The following ZNF367 variants were observed in gnomAD, a reference collection of about 807,000 sequenced individuals.
The protein encoded by ZNF367 is C2H2 zinc finger protein ZFF29.
ZNF367 carries 11 observed loss-of-function variants against 31.8 expected under a neutral mutation model. The ratio of observed to expected loss-of-function variants is 0.35; its 90% CI spans 0.22 to 0.57. The LOEUF (loss-of-function observed/expected upper bound fraction) is 0.57. Ranked by LOEUF, ZNF367 falls within the 20% of genes least tolerant of loss-of-function variation. The pLI is 0.85. For missense variants in ZNF367, 353 were observed against 484.1 expected (o/e 0.73, Z 2.54); for synonymous variants, 199 against 202.4 (o/e 0.98, Z 0.14).
intron 3 of ZNF367, among the ~76,000 whole-genome samples, 163 bp downstream of exon 3, chr9:96,394,658 TTC>T (rs1377712493): frequency 6.6e-6 from 1 of 152,150 alleles, no homozygotes; most frequent in African/African-American, 2.4e-5. Flanking sequence ...AATCAATCAT[TTC>T]TGAGAAATTC....
chr9:96,399,036 AC>A (rs1365276011), intron 1 of ZNF367, among the ~76,000 whole-genome samples: 1 of 152,178 alleles, frequency 6.6e-6, no homozygotes, highest in Non-Finnish European at 1.5e-5. Context: ...AAACAGACAC[AC>A]CAACAGCCTG....
chr9:96,403,105 G>GACT (rs939807253), intron 1 of ZNF367, among the ~76,000 whole-genome samples: 1 of 152,070 alleles, frequency 6.6e-6, no homozygotes, highest in African/African-American at 2.4e-5. Flanking sequence ...GAGCAGCTGG[G>GACT]ACTATAGGTG....
At chr9:96,408,071 G>A (rs1420178935) in intron 1 of ZNF367, among the ~76,000 whole-genome samples, 1 of 152,100 alleles carries the variant, frequency 6.6e-6, no homozygotes, top group Non-Finnish European at 1.5e-5. Flanking sequence ...GCGGGGTGGC[G>A]GGAGCGGGGA....
chr9:96,415,959 G>GATGC (rs1564146221), intron 1 of ZNF367, among the ~76,000 whole-genome samples: 2 of 151,798 alleles, frequency 1.3e-5, no homozygotes, highest in African/African-American at 4.8e-5. Context: ...CAGGCCGCCA[G>GATGC]ATGCGGTCTA....
At chr9:96,393,318 G>T (rs1293732921) in intron 3 of ZNF367, among the ~76,000 whole-genome samples, 4 of 152,008 alleles carry the variant, frequency 2.6e-5, no homozygotes, top group Non-Finnish European at 5.9e-5. Flanking sequence ...GAGGTCAGCA[G>T]TTCAAAACCA....
At chr9:96,403,054 C>T (rs1364067481) in intron 1 of ZNF367, among the ~76,000 whole-genome samples, 1 of 151,970 alleles carries the variant, frequency 6.6e-6, no homozygotes, top group Non-Finnish European at 1.5e-5. Context: ...ATTGCAACCT[C>T]CACCTCCCAG....
chr9:96,408,519 A>G (rs1831700604), intron 1 of ZNF367, among the ~76,000 whole-genome samples: 1 of 152,202 alleles, frequency 6.6e-6, no homozygotes, highest in Non-Finnish European at 1.5e-5. Flanking sequence ...AAAACAAACC[A>G]GTGACAAAAA....
rs779227811 is a variant in ZNF367, at chr9:96,398,267, T to C, written c.468A>G (p.Leu156=). ...TGGATGAATGCTCTCCTTCATTTAT[T>C]AAATCGCGGACAGTATCTGCTCTGG... The part of the protein sequence containing the change: ...GRPRADTVRD[L]INEGEHSSSR... Residue 156 remains leucine (L), a synonymous_variant, in exon 2 of 5, where the codon TTA becomes TTG. Transcript: ENST00000375256. 8 of 1,613,772 alleles carry C rather than the reference T, an allele frequency of 5.0e-6. No individual in the cohort carries two copies. In the Admixed American group the frequency reaches 8.3e-5, roughly 17 times the overall value.
chr9:96,394,579 A>G (rs1307055977), intron 3 of ZNF367, among the ~76,000 whole-genome samples: 1 of 152,262 alleles, frequency 6.6e-6, no homozygotes, highest in Non-Finnish European at 1.5e-5. Flanking sequence ...TGTATCAAGT[A>G]TCTCATGTAC....
At chr9:96,415,948 G>A (rs1294087081) in intron 1 of ZNF367, among the ~76,000 whole-genome samples, 2 of 151,852 alleles carry the variant, frequency 1.3e-5, no homozygotes, top group Non-Finnish European at 2.9e-5. Context: ...GTATATAGGT[G>A]CAGGCCGCCA....
intron 4 of ZNF367, among the ~76,000 whole-genome samples, chr9:96,390,576 C>G (rs1831460137): frequency 1.3e-5 from 2 of 152,094 alleles, no homozygotes; most frequent in Admixed American, 1.3e-4. Context: ...AACTTGGTCA[C>G]TGAGTAGACA....
At chr9:96,390,691 G>A (rs897362171) in intron 4 of ZNF367, among the ~76,000 whole-genome samples, 9 of 152,014 alleles carry the variant, frequency 5.9e-5, no homozygotes, top group African/African-American at 1.4e-4. Context: ...TGAGACCAGC[G>A]TGGGCAACGT....
intron 1 of ZNF367, among the ~76,000 whole-genome samples, chr9:96,409,424 G>A (rs35538343): frequency 0.028 from 4,224 of 152,260 alleles, 75 homozygotes; most frequent in Middle Eastern, 0.058. Context: ...AACCCTCCCA[G>A]GACACATAAC....
chr9:96,407,172 T>C (rs908631533), intron 1 of ZNF367: 3 of 659,542 alleles, frequency 4.5e-6, no homozygotes, highest in Admixed American at 2.5e-5. Flanking sequence ...AATAAATAAA[T>C]AGCTTTCCTG....
At chr9:96,414,467 C>G (rs143905644) in intron 1 of ZNF367, among the ~76,000 whole-genome samples, 15 of 152,148 alleles carry the variant, frequency 9.9e-5, no homozygotes, top group Admixed American at 2.0e-4. Flanking sequence ...ACAATTCAAA[C>G]CCATGCATCT....
Position 96,417,932 on chromosome 9 carries a change from A to G in ZNF367, c.101T>C (p.Val34Ala). The change falls in exon 1 of 5, where the codon GTC becomes GCC. Residue 34 changes from valine (V) to alanine (A), a missense_variant. By Grantham distance (64) the Val-to-Ala change is moderately conservative. Around this residue, in one of 5 missense-constraint regions of ZNF367, gnomAD observed 94 missense variants for 86.7 expected, o/e 1.08. Coordinates refer to ENST00000375256, the MANE Select transcript of ZNF367 (RefSeq NM_153695.4). This position sits in a 1 kb window ranked among gnomAD's most constrained non-coding sequence, Gnocchi z 5.0. Reference protein sequence around the residue: ...HDSPKRVLVSVIRTTPIKPTC... With the variant: ...HDSPKRVLVSAIRTTPIKPTC... The stretch of plus-strand genomic sequence containing the variant: ...TGGCTTGATCGGGGTCGTCCTGATG[A>G]CCGACACCAGCACCCGCTTCGGGGA... The G allele has an allele frequency of 6.6e-7, 1 of 1,511,378 alleles. No homozygotes were observed. Among genetic ancestry groups the G allele is most frequent in the Non-Finnish European group, 8.8e-7 (1 of 1,137,646 alleles). The allele number at this position is 1,511,378 out of a possible 1,614,324, so 93.6% of individuals were successfully genotyped here. A position where few individuals can be genotyped will look rare whatever the true frequency, so the allele number is the denominator to read the frequency against.
chr9:96,403,703 A>G (rs2131077455), intron 1 of ZNF367, among the ~76,000 whole-genome samples: 1 of 152,338 alleles, frequency 6.6e-6, no homozygotes, highest in African/African-American at 2.4e-5. Flanking sequence ...TACAGAACCT[A>G]ACCTATACAT....
At chr9:96,389,896 ATTTTTTTTT>A (rs777507011) in intron 4 of ZNF367, among the ~76,000 whole-genome samples, 1 of 94,052 alleles carries the variant, frequency 1.1e-5, no homozygotes, top group Admixed American at 1.2e-4. Context: ...TGCCTGGCTA[ATTTTTTTTT>A]TTTTTTTTTT....
At chr9:96,399,797 G>A (rs1021627969) in intron 1 of ZNF367, among the ~76,000 whole-genome samples, 1 of 152,112 alleles carries the variant, frequency 6.6e-6, no homozygotes, top group African/African-American at 2.4e-5. Context: ...TGGCCTGGGT[G>A]ACAGAGCAAG....
Sources: gnomAD v4.1 joint callset for allele counts (sites outside exome capture counted in the v4.1 genomes callset) on GRCh38, gnomAD v4.1.1 for gene constraint, gnomAD v4.1.1 regional missense constraint, Gnocchi (gnomAD v3.1) non-coding constraint, MANE v1.5 for transcripts, NCBI Gene and HGNC (gene_info 2026-07-23, HGNC 2026-07-21) for gene names.